Variants in ZNF469 observed in about 807,000 individuals in gnomAD.
ZNF469 encodes the protein zinc finger protein 469.
ZNF469 carries 1 observed loss-of-function variant against 1.0 expected under a neutral mutation model. The observed-to-expected ratio is 1.00, with a 90% CI of 0.35 to 4.73. ZNF469 has a LOEUF of 4.73. ZNF469 is among the 30% of genes most tolerant of loss of function. The pLI, the probability that ZNF469 is intolerant of heterozygous loss-of-function variation, is 0.16. For missense variants in ZNF469, 6,100 were observed against 5,356.3 expected (o/e 1.14, Z -4.33); for synonymous variants, 2,703 against 2,363.4 (o/e 1.14, Z -4.17).
At chr16:88,110,832 G>T in the ZNF469 span, among the ~76,000 whole-genome samples, 1 of 152,258 alleles carries the variant, frequency 6.6e-6, no homozygotes, top group African/African-American at 2.4e-5. Context: ...CAGGGCAGCA[G>T]GTGCAGCTCA....
intron 1 of ZNF469, among the ~76,000 whole-genome samples, chr16:88,419,019 G>T (rs1905380086): frequency 6.6e-6 from 1 of 152,248 alleles, no homozygotes; most frequent in African/African-American, 2.4e-5. Context: ...TGTGAATGGG[G>T]CCGGATGGGT....
chr16:88,125,703 A>C, the ZNF469 span, among the ~76,000 whole-genome samples: 10 of 152,248 alleles, frequency 6.6e-5, no homozygotes, highest in Non-Finnish European at 1.3e-4. Context: ...AGAGTATAGT[A>C]GCTCATATTT....
the ZNF469 span, among the ~76,000 whole-genome samples, chr16:88,321,702 G>A: frequency 6.6e-6 from 1 of 151,728 alleles, no homozygotes; most frequent in African/African-American, 2.4e-5. Context: ...CTCAGATTCT[G>A]CATGTAAGAC....
chr16:88,117,242 C>T, the ZNF469 span, among the ~76,000 whole-genome samples: 2 of 145,486 alleles, frequency 1.4e-5, no homozygotes, highest in South Asian at 2.2e-4. Flanking sequence ...GAGCTGGGGA[C>T]GTGTGAGAGC....
chr16:88,209,949 A>G, the ZNF469 span, among the ~76,000 whole-genome samples: 1 of 152,214 alleles, frequency 6.6e-6, no homozygotes, highest in Non-Finnish European at 1.5e-5. Flanking sequence ...TCATGAGATT[A>G]CTGATGCAAA....
upstream of ZNF469, among the ~76,000 whole-genome samples, chr16:88,381,754 G>A (rs1301469840): frequency 6.6e-6 from 1 of 152,266 alleles, no homozygotes; most frequent in Non-Finnish European, 1.5e-5. Context: ...TGGCAGGAAT[G>A]CCATGTGCTG....
At chr16:88,116,879 G>C in the ZNF469 span, among the ~76,000 whole-genome samples, 1 of 152,096 alleles carries the variant, frequency 6.6e-6, no homozygotes, top group Non-Finnish European at 1.5e-5. Flanking sequence ...GAGGGGAATG[G>C]TTAGTGCTTT....
the ZNF469 span, among the ~76,000 whole-genome samples, chr16:88,216,737 C>A: frequency 6.6e-6 from 1 of 152,138 alleles, no homozygotes; most frequent in Admixed American, 6.5e-5. Flanking sequence ...TTTTTCATAC[C>A]TTACCTCTTC....
At chr16:88,393,563 G>A (rs893697708) in intron 1 of ZNF469, among the ~76,000 whole-genome samples, 7 of 152,352 alleles carry the variant, frequency 4.6e-5, no homozygotes, top group Non-Finnish European at 5.9e-5. Flanking sequence ...GGAGCCCATC[G>A]AGGAAAGAGC....
At chr16:88,158,255 G>A in the ZNF469 span, among the ~76,000 whole-genome samples, 1 of 151,980 alleles carries the variant, frequency 6.6e-6, no homozygotes, top group Non-Finnish European at 1.5e-5. Flanking sequence ...GATGGGAGGT[G>A]GGGGCTGGGA....
chr16:88,156,933 T>C, the ZNF469 span, among the ~76,000 whole-genome samples: 1 of 152,124 alleles, frequency 6.6e-6, no homozygotes, highest in Non-Finnish European at 1.5e-5. Flanking sequence ...TGGACGATGA[T>C]CTCAGGTGAG....
chr16:88,329,996 T>C, the ZNF469 span, among the ~76,000 whole-genome samples: 1 of 152,122 alleles, frequency 6.6e-6, no homozygotes, highest in Admixed American at 6.5e-5. Flanking sequence ...ACAGGCAGAG[T>C]GGAAGCAGCC....
In ZNF469 at chr16:88,430,953, T is replaced by C; in HGVS notation, c.3483T>C (p.Ser1161=). 6.5e-7 allele frequency: 1 copy of C among 1,535,302 alleles called. No homozygotes were observed. Residue 1161 remains serine, a synonymous_variant, in exon 3 of 3, where the codon TCT becomes TCC. Transcript: ENST00000565624. ...APANPEEPGG[S]RPGPGRSPQA... is the part of the protein sequence containing the mutation. ...CGAACCCCGAGGAGCCGGGCGGGTC[T>C]CGCCCGGGCCCCGGCAGGAGCCCTC...
chr16:88,345,715 A>G, the ZNF469 span, among the ~76,000 whole-genome samples: 1 of 152,072 alleles, frequency 6.6e-6, no homozygotes, highest in Non-Finnish European at 1.5e-5. Flanking sequence ...GCCTGCTTCC[A>G]CCAAAACACT....
At chr16:88,236,444 A>C in the ZNF469 span, among the ~76,000 whole-genome samples, 1 of 152,232 alleles carries the variant, frequency 6.6e-6, no homozygotes, top group African/African-American at 2.4e-5. Context: ...TGAATTCCAT[A>C]GGGAGGCGGG....
Position 88,428,354 on chromosome 16 carries a change from A to T in ZNF469, c.884A>T (p.His295Leu), listed in dbSNP as rs948182024. The change falls in exon 3 of 3, where the codon CAC becomes CTC. Residue 295 changes from histidine (H) to leucine (L), a missense_variant. By Grantham distance (99) the His-to-Leu change is moderately conservative (BLOSUM62 -3). Transcript: ENST00000565624. ...CCCTTCCCTGCGGATGTGGCTGGGC[A>T]CGCATTCACCAATGGGCCACTGGTG... ...TKPFPADVAGHAFTNGPLVFA... is the reference protein window; with the variant it reads ...TKPFPADVAGLAFTNGPLVFA... 1.0e-5 allele frequency: 16 copies of T among 1,549,152 alleles called. No individual in the cohort carries two copies. Among genetic ancestry groups the T allele is most frequent in the Admixed American group, 2.0e-5 (1 of 50,990 alleles).
intron 1 of ZNF469, among the ~76,000 whole-genome samples, chr16:88,408,415 G>C (rs748973505): frequency 3.3e-5 from 5 of 152,268 alleles, no homozygotes; most frequent in Non-Finnish European, 5.9e-5. Context: ...GCCTCCCAAA[G>C]TGCTGGGATT....
At chr16:88,335,217 A>C in the ZNF469 span, among the ~76,000 whole-genome samples, 1 of 152,144 alleles carries the variant, frequency 6.6e-6, no homozygotes, top group African/African-American at 2.4e-5. Context: ...CACCACCCCA[A>C]AACTCAGAGC....
chr16:88,371,074 C>G, the ZNF469 span, among the ~76,000 whole-genome samples: 1 of 152,216 alleles, frequency 6.6e-6, no homozygotes, highest in Non-Finnish European at 1.5e-5. Context: ...CTGGCCTAGG[C>G]CAGAAAATGG....
Sources: gnomAD v4.1 joint callset for allele counts (sites outside exome capture counted in the v4.1 genomes callset) on GRCh38, gnomAD v4.1.1 for gene constraint, MANE v1.5 for transcripts, NCBI Gene and HGNC (gene_info 2026-07-23, HGNC 2026-07-21) for gene names.